Variants in KALRN observed in about 807,000 individuals in gnomAD.
The protein encoded by KALRN is kalirin.
KALRN carries 70 observed loss-of-function variants against 353.7 expected under a neutral mutation model. The observed-to-expected ratio is 0.20, with a 90% CI of 0.16 to 0.24. The LOEUF (loss-of-function observed/expected upper bound fraction) is 0.24. Ranked by LOEUF, KALRN falls within the 10% of genes least tolerant of loss-of-function variation. KALRN has a pLI of 1.00. For missense variants in KALRN, 2,791 were observed against 3,756.7 expected (o/e 0.74, Z 6.72); for synonymous variants, 1,391 against 1,434.8 (o/e 0.97, Z 0.69).
At chr3:124,092,209 T>C (rs973358783) in intron 1 of KALRN, among the ~76,000 whole-genome samples, 2 of 152,204 alleles carry the variant, frequency 1.3e-5, no homozygotes, top group African/African-American at 4.8e-5. Context: ...TTGCCCTTGA[T>C]TACTGGAGGG....
At chr3:124,088,646 T>C (rs942303190) in intron 1 of KALRN, among the ~76,000 whole-genome samples, 1 of 152,178 alleles carries the variant, frequency 6.6e-6, no homozygotes, top group African/African-American at 2.4e-5. Context: ...TCAAGTTTTA[T>C]GGGATTAGTC....
chr3:124,153,113 T>A (rs2068421113), intron 1 of KALRN: 1 of 156,616 alleles, frequency 6.4e-6, no homozygotes, highest in South Asian at 1.9e-4. Flanking sequence ...AATTTTAATT[T>A]TTATTTTTTT....
At chr3:124,493,952 T>C (rs1312695964) in intron 32 of KALRN, among the ~76,000 whole-genome samples, 1 of 152,206 alleles carries the variant, frequency 6.6e-6, no homozygotes, top group Non-Finnish European at 1.5e-5. Flanking sequence ...GACTAAAGTC[T>C]AGCAGTGGAG....
At chr3:124,310,498 T>C (rs1159501730) in intron 6 of KALRN, among the ~76,000 whole-genome samples, 1 of 152,128 alleles carries the variant, frequency 6.6e-6, no homozygotes, top group Non-Finnish European at 1.5e-5. Flanking sequence ...ACTCATACTA[T>C]CCAATTTCAA....
At chr3:124,132,659 G>T (rs1360590339) in intron 1 of KALRN, among the ~76,000 whole-genome samples, 1 of 152,208 alleles carries the variant, frequency 6.6e-6, no homozygotes, top group Non-Finnish European at 1.5e-5. Context: ...GTCTGGGAAG[G>T]AACCAGGGCC....
At chr3:124,038,137 T>C (rs1005901049) in intron 1 of KALRN, among the ~76,000 whole-genome samples, 3 of 152,114 alleles carry the variant, frequency 2.0e-5, no homozygotes, top group Non-Finnish European at 1.5e-5. Context: ...GAAATTCTTA[T>C]TGCAGAAGTG....
chr3:124,286,950 CT>C (rs1333944785), intron 5 of KALRN, among the ~76,000 whole-genome samples: 1 of 152,054 alleles, frequency 6.6e-6, no homozygotes, highest in African/African-American at 2.4e-5. Context: ...TTATCTTTCC[CT>C]AAATATCTTA....
chr3:124,200,295 A>T (rs1452031447), intron 1 of KALRN, among the ~76,000 whole-genome samples: 1 of 152,230 alleles, frequency 6.6e-6, no homozygotes, highest in South Asian at 2.1e-4. Flanking sequence ...TTGGGCTGTT[A>T]TAACAAAATA....
intron 1 of KALRN, among the ~76,000 whole-genome samples, chr3:124,128,053 A>G (rs940122736): frequency 2.6e-5 from 4 of 152,132 alleles, no homozygotes; most frequent in African/African-American, 9.7e-5. Context: ...TAAGTTACTC[A>G]GTTTTTGCCT....
rs540440575 is a variant in KALRN, at chr3:124,177,186, A to T, written c.74-50804A>T. On this transcript the variant is annotated intron_variant, in intron 1 of 59. Coordinates refer to ENST00000682506, the MANE Select transcript of KALRN (RefSeq NM_001388419.1). ...TCCCTTCCTTTTCACAGGGCCTGGG[A>T]GTCTGAGGACTCAGCTCTGTGCAGG... 3.9e-5 allele frequency among the ~76,000 whole-genome samples: 6 copies of T among 152,256 alleles called. No homozygotes were observed. The East Asian group carries it at 7.7e-4, about 20-fold the overall frequency.
chr3:124,693,927 A>G (rs1394958235), intron 52 of KALRN, 96 bp downstream of exon 52: 3 of 827,204 alleles, frequency 3.6e-6, no homozygotes, highest in Admixed American at 5.1e-5. Context: ...CAATGGTGAT[A>G]TAGTTCTGTA....
chr3:124,093,419 A>G (rs1198397473), intron 1 of KALRN, among the ~76,000 whole-genome samples: 4 of 152,208 alleles, frequency 2.6e-5, no homozygotes, highest in Non-Finnish European at 4.4e-5. Flanking sequence ...GAACAAGGTC[A>G]TCCTAGACCT....
intron 1 of KALRN, among the ~76,000 whole-genome samples, chr3:124,174,925 A>G (rs1268666978): frequency 1.3e-5 from 2 of 152,228 alleles, no homozygotes; most frequent in African/African-American, 4.8e-5. Flanking sequence ...CAGTAGCAGA[A>G]TTTAAGTCCT....
intron 38 of KALRN, among the ~76,000 whole-genome samples, chr3:124,651,301 A>T (rs1383115587): frequency 3.3e-5 from 5 of 152,220 alleles, no homozygotes; most frequent in Admixed American, 3.3e-4. Context: ...AGATAGTCTG[A>T]TAGAGATCAC....
chr3:124,470,976 T>C (rs1282342108), intron 25 of KALRN, among the ~76,000 whole-genome samples: 1 of 152,194 alleles, frequency 6.6e-6, no homozygotes, highest in East Asian at 1.9e-4. Flanking sequence ...TGTTACATAA[T>C]AACCAATCAA....
chr3:124,412,234 T>C (rs113839173), intron 13 of KALRN, among the ~76,000 whole-genome samples: 3 of 152,186 alleles, frequency 2.0e-5, no homozygotes, highest in African/African-American at 7.2e-5. Context: ...GTGTCCCTGA[T>C]GCTCCTGGAG....
chr3:124,347,013 T>C, intron 9 of KALRN, 130 bp from the exon 10 acceptor site: 1 of 1,374,824 alleles, frequency 7.3e-7, no homozygotes, highest in South Asian at 1.3e-5. Flanking sequence ...ATTGACCATT[T>C]CCACCTGAAC....
At chr3:124,302,841 A>AC (rs5852401) in intron 6 of KALRN, among the ~76,000 whole-genome samples, 94,930 of 151,950 alleles carry the variant, frequency 0.62, 29,965 homozygotes, top group South Asian at 0.78. Context: ...GTGAGCACAC[A>AC]CCCTGGTATC....
chr3:124,221,911 G>A (rs1332551706), intron 1 of KALRN, among the ~76,000 whole-genome samples: 2 of 152,200 alleles, frequency 1.3e-5, no homozygotes, highest in Non-Finnish European at 2.9e-5. Context: ...AGAATTGCCT[G>A]AGATGGGCAC....
Sources: gnomAD v4.1 joint callset for allele counts (sites outside exome capture counted in the v4.1 genomes callset) on GRCh38, gnomAD v4.1.1 for gene constraint, MANE v1.5 for transcripts, NCBI Gene and HGNC (gene_info 2026-07-23, HGNC 2026-07-21) for gene names.